HESX1: variants seen among roughly 807,000 people sequenced by gnomAD.
HESX1 encodes the protein HESX homeobox 1, also known as homeobox expressed in ES cells 1.
HESX1 carries 11 observed loss-of-function variants against 22.5 expected under a neutral mutation model. The ratio of observed to expected loss-of-function variants is 0.49; its 90% CI spans 0.31 to 0.81. HESX1 has a LOEUF of 0.81. HESX1 is among the 30% of genes least tolerant of loss of function. HESX1 has a pLI of 0.05. For synonymous variants in HESX1, 74 were observed against 76.5 expected, an observed-to-expected ratio of 0.97 and a Z score of 0.17; for missense variants, 201 against 212.6, an observed-to-expected ratio of 0.95 and a Z score of 0.34.
chr3:57,219,084 C>A (rs2060600212), intron 1 of HESX1, among the ~76,000 whole-genome samples: 1 of 152,172 alleles, frequency 6.6e-6, no homozygotes, highest in South Asian at 2.1e-4. Context: ...CATCTGTTAT[C>A]TTTTTACTTT....
At chr3:57,225,436 CG>C (rs2060636306) in intron 1 of HESX1, among the ~76,000 whole-genome samples, 1 of 152,036 alleles carries the variant, frequency 6.6e-6, no homozygotes, top group Non-Finnish European at 1.5e-5. Flanking sequence ...CTCCACCTCC[CG>C]GGTTCAAGCG....
intron 1 of HESX1, among the ~76,000 whole-genome samples, chr3:57,217,741 C>G (rs2060590454): frequency 6.6e-6 from 1 of 152,130 alleles, no homozygotes; most frequent in African/African-American, 2.4e-5. Flanking sequence ...CAAACTCCCA[C>G]CCCACACAAA....
At chr3:57,223,903 A>G (rs1352429856) in intron 1 of HESX1, among the ~76,000 whole-genome samples, 1 of 152,218 alleles carries the variant, frequency 6.6e-6, no homozygotes, top group Non-Finnish European at 1.5e-5. Flanking sequence ...GGTGGTTTCC[A>G]GCTCGTTAGC....
chr3:57,204,334 A>G (rs1396596719), upstream of HESX1, among the ~76,000 whole-genome samples: 1 of 152,086 alleles, frequency 6.6e-6, no homozygotes, highest in African/African-American at 2.4e-5. Flanking sequence ...GAAGTTTTTG[A>G]GGTTATTATA....
chr3:57,207,879 A>G (rs1359571491), intron 1 of HESX1, among the ~76,000 whole-genome samples: 7 of 152,208 alleles, frequency 4.6e-5, no homozygotes, highest in African/African-American at 7.2e-5. Flanking sequence ...GCCCTTTCCC[A>G]CACCCTGGCC....
intron 1 of HESX1, among the ~76,000 whole-genome samples, chr3:57,211,527 CAA>C (rs61137408): frequency 6.3e-4 from 20 of 31,980 alleles, no homozygotes; most frequent in African/African-American, 3.1e-3. Flanking sequence ...GAGACCTTGT[CAA>C]AAAAAAAAAA....
chr3:57,219,658 C>A (rs894579326), intron 1 of HESX1, among the ~76,000 whole-genome samples: 1 of 152,210 alleles, frequency 6.6e-6, no homozygotes, highest in African/African-American at 2.4e-5. Context: ...TGAGCCACCG[C>A]ACCTGGCCTC....
At chr3:57,200,291 A>AAGCTCC (rs1559497660), upstream of HESX1, among the ~76,000 whole-genome samples, 2 of 152,202 alleles carry the variant, frequency 1.3e-5, no homozygotes, top group Non-Finnish European at 2.9e-5. Flanking sequence ...GTATAAAATC[A>AAGCTCC]AGCTTTTTAT....
chr3:57,198,352 A>G, intron 3 of HESX1, 39 bp downstream of exon 3: 1 of 1,546,244 alleles, frequency 6.5e-7, no homozygotes, highest in Middle Eastern at 1.7e-4. Flanking sequence ...TATTCTTAAC[A>G]TTTCAACATC....
intron 1 of HESX1, among the ~76,000 whole-genome samples, chr3:57,206,646 C>T (rs1288072974): frequency 1.3e-5 from 2 of 152,190 alleles, no homozygotes; most frequent in African/African-American, 2.4e-5. Flanking sequence ...GGGTCGCCTC[C>T]AAGGGCAAAT....
At chr3:57,199,686 G>T in intron 1 of HESX1, 76 bp downstream of exon 1, 2 of 1,215,364 alleles carry the variant, frequency 1.6e-6, no homozygotes, top group Non-Finnish European at 2.4e-6. Context: ...CTAGCTCTAT[G>T]TAGTATGAAA....
chr3:57,211,410 ATC>A (rs1356017029), intron 1 of HESX1, among the ~76,000 whole-genome samples: 1 of 150,806 alleles, frequency 6.6e-6, no homozygotes, highest in Non-Finnish European at 1.5e-5. Flanking sequence ...TGCGCCTGTG[ATC>A]CCAGCTACTC....
intron 3 of HESX1, 30 bp from the exon 4 acceptor site, chr3:57,198,325 CAG>C (rs1216272594): frequency 1.9e-6 from 3 of 1,570,590 alleles, no homozygotes. Flanking sequence ...AAATAGGTCT[CAG>C]AAACATTATT....
intron 1 of HESX1, among the ~76,000 whole-genome samples, chr3:57,216,454 C>T (rs929393270): frequency 2.6e-5 from 4 of 151,928 alleles, no homozygotes; most frequent in Admixed American, 6.6e-5. Context: ...CTACAAAAGC[C>T]ACAAAAAATT....
chr3:57,201,888 T>TATCA (rs1192058149), upstream of HESX1, among the ~76,000 whole-genome samples: 2 of 145,682 alleles, frequency 1.4e-5, no homozygotes, highest in African/African-American at 5.4e-5. Context: ...TCTATCTATC[T>TATCA]ATCTATCTAT....
chr3:57,201,865 C>G (rs1233010144), upstream of HESX1, among the ~76,000 whole-genome samples: 1 of 96,536 alleles, frequency 1.0e-5, no homozygotes, highest in Admixed American at 1.2e-4. Context: ...ATATCTATAT[C>G]TATCTATCTA....
At chr3:57,209,667 A>G (rs1445770890) in intron 1 of HESX1, among the ~76,000 whole-genome samples, 1 of 118,180 alleles carries the variant, frequency 8.5e-6, no homozygotes, top group Non-Finnish European at 1.8e-5. Context: ...GTAAAGCTCC[A>G]TCTCAAAAAA....
At chr3:57,224,061 C>T (rs1275496242) in intron 1 of HESX1, among the ~76,000 whole-genome samples, 1 of 152,072 alleles carries the variant, frequency 6.6e-6, no homozygotes. Flanking sequence ...GGTGTGATTT[C>T]GGCTCACTGC....
chr3:57,221,858 G>A lies in HESX1; in HGVS notation c.-111+4438C>T, dbSNP rs146348377. On this transcript the variant is annotated intron_variant, in intron 1 of 2. Coordinates refer to the HESX1 transcript ENST00000495160. ...CTGATCTCGTGATCCACCCGCCTTGGCCTCCCAAAGTGCTGGGATTATAGG... is the reference window on the plus strand; with the variant it reads ...CTGATCTCGTGATCCACCCGCCTTGACCTCCCAAAGTGCTGGGATTATAGG... Among the ~76,000 whole-genome samples, 6 of 152,280 alleles carry A rather than the reference G, an allele frequency of 3.9e-5. No individual in the cohort carries two copies. The East Asian group carries it at 1.2e-3, about 29-fold the overall frequency.
Sources: gnomAD v4.1 joint callset for allele counts (sites outside exome capture counted in the v4.1 genomes callset) on GRCh38, gnomAD v4.1.1 for gene constraint, MANE v1.5 for transcripts, NCBI Gene and HGNC (gene_info 2026-07-23, HGNC 2026-07-21) for gene names.